Variants in TJP2 observed in about 807,000 individuals in gnomAD.
TJP2 encodes the protein tight junction protein 2, also known as Friedreich ataxia region gene X104 (tight junction protein ZO-2).
A neutral mutation model predicts 133.1 loss-of-function variants in TJP2; 91 were observed. The ratio of observed to expected loss-of-function variants is 0.68; its 90% CI spans 0.58 to 0.81. The LOEUF is 0.81. Among genes scored for constraint, TJP2 ranks in the 40% least tolerant of loss-of-function variants. The pLI is 0.00. For missense variants in TJP2, 1,541 were observed against 1,565.6 expected, an observed-to-expected ratio of 0.98 and a Z score of 0.26; for synonymous variants, 592 against 583.4, an observed-to-expected ratio of 1.01 and a Z score of -0.21.
intron 2 of TJP2, 95 bp from the exon 3 acceptor site, chr9:69,216,244 T>C (rs1828367272): frequency 4.8e-6 from 7 of 1,455,184 alleles, no homozygotes; most frequent in Non-Finnish European, 6.7e-6. Context: ...CAGTCTCTGG[T>C]TATTGATTTG....
At chr9:69,169,987 C>A (rs772718107), upstream of TJP2, among the ~76,000 whole-genome samples, 39 of 152,056 alleles carry the variant, frequency 2.6e-4, no homozygotes, top group African/African-American at 8.9e-4. Context: ...ACTACAGGCA[C>A]ATGCTACCAT....
At chr9:69,224,103 T>C (rs549369761) in intron 5 of TJP2, among the ~76,000 whole-genome samples, 34 of 152,356 alleles carry the variant, frequency 2.2e-4, no homozygotes, top group African/African-American at 8.2e-4. Context: ...TTTAAAAATA[T>C]GCATAACTTA....
intron 1 of TJP2, among the ~76,000 whole-genome samples, chr9:69,139,716 T>C (rs1165854929): frequency 1.3e-5 from 2 of 152,242 alleles, no homozygotes; most frequent in Non-Finnish European, 2.9e-5. Context: ...CAGCAGCTCA[T>C]GGCACAGCCA....
rs1478296461 is a variant in TJP2 at position 69,251,087 on chromosome 9, A to G, written c.3044A>G (p.Tyr1015Cys). The G allele has an allele frequency of 3.7e-6, 6 of 1,614,212 alleles. No homozygotes were observed. The highest frequency in any genetic ancestry group is 1.7e-5 in the Admixed American group (1 of 60,028). ...ESYDFSKSYE[Y>C]KSNPSAVAGN... ...TATGACTTCTCCAAATCCTATGAAT[A>G]TAAGTCAAACCCCTCTGCCGTTGCT... The change falls in exon 21 of 23, where the codon TAT becomes TGT. Residue 1015 changes from tyrosine to cysteine, a missense_variant. Physicochemically the swap from Tyr to Cys is radical, Grantham distance 194 (BLOSUM62 -2). Coordinates refer to ENST00000377245, the MANE Select transcript of TJP2 (RefSeq NM_004817.4).
intron 13 of TJP2, 41 bp downstream of exon 13, chr9:69,236,279 C>A (rs1830184161): frequency 6.2e-7 from 1 of 1,604,020 alleles, no homozygotes; most frequent in Non-Finnish European, 8.5e-7. Flanking sequence ...TTTAATCCTT[C>A]CCCCTGCAGA....
intron 1 of TJP2, among the ~76,000 whole-genome samples, chr9:69,137,845 C>T (rs1218999905): frequency 1.3e-5 from 2 of 152,144 alleles, no homozygotes; most frequent in Non-Finnish European, 2.9e-5. Flanking sequence ...TCAGCAGGCT[C>T]CATTTCTTTC....
intron 1 of TJP2, among the ~76,000 whole-genome samples, chr9:69,128,060 G>C (rs551012241): frequency 1.3e-5 from 1 of 75,936 alleles, no homozygotes; most frequent in African/African-American, 4.0e-5. Flanking sequence ...TTATAGGTGT[G>C]AGCCATCATG....
chr9:69,221,117 C>G lies in TJP2; in HGVS notation c.573C>G (p.Leu191=). ...HERARSRERD[L]SRDRSRGRSL... ...GGGCCCGGAGCCGGGAGCGGGACCT[C>G]AGCCGGGACCGGAGCCGTGGCCGGA... Residue 191 remains leucine (L), a synonymous_variant, in exon 5 of 23, where the codon CTC becomes CTG. Transcript: ENST00000377245. 2 of 1,585,536 alleles carry G rather than the reference C, an allele frequency of 1.3e-6. No individual in the cohort carries two copies. Among genetic ancestry groups the G allele is most frequent in the Non-Finnish European group, 1.7e-6 (2 of 1,166,618 alleles).
At chr9:69,219,714 A>G (rs1242517014) in intron 4 of TJP2, among the ~76,000 whole-genome samples, 1 of 152,202 alleles carries the variant, frequency 6.6e-6, no homozygotes, top group Non-Finnish European at 1.5e-5. Context: ...GTGAGCCACC[A>G]TACGCAGCTC....
In TJP2 at chr9:69,254,976, T is replaced by C. The variant is rs1375773068; in HGVS notation, c.*602T>C. On this transcript the variant is annotated 3_prime_UTR_variant, in exon 23 of 23. Coordinates refer to ENST00000377245, the MANE Select transcript of TJP2 (RefSeq NM_004817.4). ...TGTCATCTTTTCAAGGCATTTGTCT[T>C]TGTAATATTTTCCATAAATTTGGAC... 9.1e-6 allele frequency: 2 copies of C among 219,974 alleles called. No homozygotes were observed. Among genetic ancestry groups the C allele is most frequent in the African/African-American group, 4.5e-5 (2 of 44,116 alleles). 13.6% of individuals were successfully genotyped at this position (219,974 alleles called of 1,614,324 possible).
At chr9:69,238,156 A>G (rs1830330088) in intron 15 of TJP2, among the ~76,000 whole-genome samples, 183 bp downstream of exon 15, 1 of 152,128 alleles carries the variant, frequency 6.6e-6, no homozygotes, top group Non-Finnish European at 1.5e-5. Flanking sequence ...ACACACATAC[A>G]CATACTCTTT....
At chr9:69,174,582 G>A in intron 1 of TJP2, 150 bp downstream of exon 1, 3 of 1,002,834 alleles carry the variant, frequency 3.0e-6, no homozygotes, top group South Asian at 3.0e-5. Flanking sequence ...GGGACGCAGG[G>A]GAGGGGTAGG....
intron 1 of TJP2, among the ~76,000 whole-genome samples, chr9:69,132,786 G>A (rs991934395): frequency 1.3e-5 from 2 of 152,016 alleles, no homozygotes; most frequent in Non-Finnish European, 2.9e-5. Context: ...ATATACCAAA[G>A]GCCCTAGGGT....
intron 2 of TJP2, among the ~76,000 whole-genome samples, chr9:69,162,244 T>A (rs999768454): frequency 2.0e-5 from 3 of 149,992 alleles, no homozygotes; most frequent in Non-Finnish European, 4.4e-5. Flanking sequence ...AACTTTACTA[T>A]TAAGTAAATA....
intron 1 of TJP2, among the ~76,000 whole-genome samples, chr9:69,138,345 T>C (rs1434536412): frequency 2.0e-5 from 3 of 152,052 alleles, no homozygotes; most frequent in Non-Finnish European, 4.4e-5. Context: ...GATTTTCTTT[T>C]CCCAGCTGGT....
intron 2 of TJP2, among the ~76,000 whole-genome samples, chr9:69,165,829 G>C (rs1409158227): frequency 6.6e-6 from 1 of 152,194 alleles, no homozygotes; most frequent in Non-Finnish European, 1.5e-5. Flanking sequence ...CTCCCCAGCA[G>C]GTATGTCTAA....
At chr9:69,166,434 A>G (rs1166588138) in intron 2 of TJP2, among the ~76,000 whole-genome samples, 1 of 151,078 alleles carries the variant, frequency 6.6e-6, no homozygotes. Context: ...AAACAGTAAA[A>G]CAGTTTTAAA....
chr9:69,196,976 C>CACACACACACACACACACACACAT, intron 1 of TJP2, among the ~76,000 whole-genome samples: 1 of 148,672 alleles, frequency 6.7e-6, no homozygotes, highest in Non-Finnish European at 1.5e-5. Context: ...CACACACACA[C>CACACACACACACACACACACACAT]ATGTTTTCTG....
rs1334416634 is a variant in TJP2, at chr9:69,234,521, C to T, written c.1754C>T (p.Thr585Ile). The change falls in exon 12 of 23, where the codon ACC becomes ATC. Residue 585 changes from threonine (T) to isoleucine (I), a missense_variant. Physicochemically the swap from Thr to Ile is moderately conservative, Grantham distance 89. Transcript: ENST00000377245. ...LLEIPKGEMVTILAQSRADVY... is the reference protein window; with the variant it reads ...LLEIPKGEMVIILAQSRADVY... ...GAAATCCCTAAAGGTGAAATGGTGA[C>T]CATTTTAGCTCAGAGCCGAGCCGAT... The T allele has an allele frequency of 1.3e-6, 2 of 1,512,340 alleles. No individual in the cohort carries two copies. Among genetic ancestry groups the T allele is most frequent in the African/African-American group, 3.0e-5 (2 of 66,814 alleles). 93.7% of individuals were successfully genotyped at this position (1,512,340 alleles called of 1,614,324 possible).
Sources: allele counts gnomAD v4.1 joint callset (sites outside exome capture counted in the v4.1 genomes callset), GRCh38; gene constraint gnomAD v4.1.1; transcripts MANE v1.5; gene names NCBI Gene and HGNC (gene_info 2026-07-23, HGNC 2026-07-21).